Variants in PRKCE observed in about 807,000 individuals in gnomAD.
PRKCE encodes the protein protein kinase C epsilon, also known as protein kinase C epsilon type.
In PRKCE, 16 loss-of-function variants were observed where a neutral mutation model predicts 85.4. The ratio of observed to expected loss-of-function variants is 0.19; its 90% CI spans 0.13 to 0.28. The LOEUF (loss-of-function observed/expected upper bound fraction) is 0.28, where lower values mean the gene tolerates loss of function less well. Ranked by LOEUF, PRKCE falls within the 10% of genes least tolerant of loss-of-function variation. The pLI is 1.00. For synonymous variants in PRKCE, 388 were observed against 371.5 expected (o/e 1.04, Z -0.51); for missense variants, 573 against 975.2 (o/e 0.59, Z 5.49).
In PRKCE at chr2:46,123,214, C is replaced by CTTTTTTTTTTTTTTTTTTTTT. The variant is rs70937991; in HGVS notation, c.1593-21870_1593-21850dup. Among the ~76,000 whole-genome samples the CTTTTTTTTTTTTTTTTTTTTT allele has an allele frequency of 9.4e-3, 256 of 27,376 alleles. 64 individuals are homozygous for CTTTTTTTTTTTTTTTTTTTTT. Among genetic ancestry groups the CTTTTTTTTTTTTTTTTTTTTT allele is most frequent in the South Asian group, 0.019 (7 of 360 alleles). The allele number at this position is 27,376 out of a possible 152,430, so 18.0% of individuals were successfully genotyped here. A position where few individuals can be genotyped will look rare whatever the true frequency, so the allele number is the denominator to read the frequency against. ...AAGCTTTACAAAGGAAAACACTTGC[C>CTTTTTTTTTTTTTTTTTTTTT]TTTTTTTTTTTTTTTTTTTTTTTTT... On this transcript the variant is annotated intron_variant, in intron 11 of 14. Transcript: ENST00000306156.
intron 1 of PRKCE, among the ~76,000 whole-genome samples, chr2:45,695,482 T>C (rs1429669362): frequency 6.6e-6 from 1 of 152,290 alleles, no homozygotes; most frequent in South Asian, 2.1e-4. Context: ...TAATAGAATA[T>C]GTATAATAGG....
At chr2:45,663,121 T>G (rs1305808633) in intron 1 of PRKCE, among the ~76,000 whole-genome samples, 4 of 152,216 alleles carry the variant, frequency 2.6e-5, no homozygotes, top group Non-Finnish European at 5.9e-5. Flanking sequence ...TGCACATTAG[T>G]GTATTAAAGA....
intron 2 of PRKCE, among the ~76,000 whole-genome samples, chr2:45,886,058 G>A (rs1695276752): frequency 6.6e-6 from 1 of 152,132 alleles, no homozygotes; most frequent in Non-Finnish European, 1.5e-5. Flanking sequence ...TCCTCCTCAA[G>A]AGGCCTACCT....
At chr2:45,720,440 A>G (rs1680519505) in intron 1 of PRKCE, among the ~76,000 whole-genome samples, 1 of 152,146 alleles carries the variant, frequency 6.6e-6, no homozygotes, top group African/African-American at 2.4e-5. Flanking sequence ...GAGAGGAACA[A>G]CATGCAGCCT....
chr2:45,801,788 C>T (rs1687889273), intron 1 of PRKCE, among the ~76,000 whole-genome samples: 1 of 152,148 alleles, frequency 6.6e-6, no homozygotes, highest in Admixed American at 6.6e-5. Context: ...GGTTGCCAAA[C>T]CTGAAGCAGG....
intron 1 of PRKCE, chr2:45,685,285 G>A (rs1312091780): frequency 6.6e-6 from 1 of 152,168 alleles, no homozygotes. Context: ...ATACTCTGTT[G>A]TTTAAATAGC....
In PRKCE at chr2:45,723,260, G is replaced by C. The variant is rs139366068; in HGVS notation, c.348+70812G>C. On this transcript the variant is annotated intron_variant, in intron 1 of 14. Coordinates refer to ENST00000306156, the MANE Select transcript of PRKCE (RefSeq NM_005400.3). Reference sequence around the variant, plus strand: ...CCTAGAGATTCTTGTAGAAAATGCCGTGACTCCTCCCTGTTAAAATATGCA... The same window carrying C: ...CCTAGAGATTCTTGTAGAAAATGCCCTGACTCCTCCCTGTTAAAATATGCA... Among the ~76,000 whole-genome samples the C allele has an allele frequency of 7.9e-3, 1,201 of 152,264 alleles. 5 individuals are homozygous for C. Among genetic ancestry groups the C allele is most frequent in the Non-Finnish European group, 0.014 (924 of 68,020 alleles).
chr2:45,762,055 G>T (rs1487787413), intron 1 of PRKCE, among the ~76,000 whole-genome samples: 1 of 152,144 alleles, frequency 6.6e-6, no homozygotes, highest in Non-Finnish European at 1.5e-5. Flanking sequence ...TGGTTGGCGT[G>T]CACCATTCAG....
At chr2:46,122,221 G>GTT (rs1558477714) in intron 11 of PRKCE, among the ~76,000 whole-genome samples, 1 of 151,886 alleles carries the variant, frequency 6.6e-6, no homozygotes, top group African/African-American at 2.4e-5. Context: ...TTTTTTGTTT[G>GTT]TTTGTTTTTG....
At chr2:46,151,310 C>CAG (rs2104525525) in intron 13 of PRKCE, 81 bp downstream of exon 13, 1 of 1,165,514 alleles carries the variant, frequency 8.6e-7, no homozygotes, top group East Asian at 2.4e-5. Flanking sequence ...CACACACACA[C>CAG]ACACACACAC....
chr2:45,931,846 A>G (rs565894420), intron 2 of PRKCE, among the ~76,000 whole-genome samples: 105 of 152,198 alleles, frequency 6.9e-4, no homozygotes, highest in Non-Finnish European at 1.4e-3. Context: ...AGCTGGGACT[A>G]CAGGCACCTG....
intron 5 of PRKCE, among the ~76,000 whole-genome samples, chr2:45,982,895 T>C (rs1168414879): frequency 6.6e-6 from 1 of 152,212 alleles, no homozygotes; most frequent in African/African-American, 2.4e-5. Context: ...CATACCCCTA[T>C]GAGGTGATTC....
intron 1 of PRKCE, among the ~76,000 whole-genome samples, chr2:45,799,172 A>G (rs528947146): frequency 2.0e-4 from 31 of 151,682 alleles, no homozygotes; most frequent in African/African-American, 7.5e-4. Context: ...TTTCAAAAAA[A>G]AAAAAAGAAA....
chr2:45,770,196 C>T (rs919678560), intron 1 of PRKCE, among the ~76,000 whole-genome samples: 4 of 152,198 alleles, frequency 2.6e-5, no homozygotes, highest in Non-Finnish European at 5.9e-5. Flanking sequence ...CACTGTTCTG[C>T]TCCCCTCCTG....
At chr2:46,021,006 T>A (rs568942254) in intron 10 of PRKCE, among the ~76,000 whole-genome samples, 17 of 152,224 alleles carry the variant, frequency 1.1e-4, no homozygotes, top group African/African-American at 4.1e-4. Flanking sequence ...TTGGTCACGA[T>A]CACACGGAGT....
chr2:45,971,429 A>G (rs760908827), intron 2 of PRKCE, among the ~76,000 whole-genome samples: 23 of 152,170 alleles, frequency 1.5e-4, no homozygotes, highest in East Asian at 1.9e-4. Context: ...GTAACAAAGC[A>G]TTTTATTTAC....
chr2:45,996,223 C>G (rs1704204196), intron 6 of PRKCE, among the ~76,000 whole-genome samples: 1 of 152,066 alleles, frequency 6.6e-6, no homozygotes, highest in Non-Finnish European at 1.5e-5. Flanking sequence ...TTCAATCTGG[C>G]TATAATCATT....
At chr2:45,693,525 G>A (rs1487726792) in intron 1 of PRKCE, among the ~76,000 whole-genome samples, 1 of 152,206 alleles carries the variant, frequency 6.6e-6, no homozygotes, top group East Asian at 1.9e-4. Flanking sequence ...CAGGCCGGAA[G>A]GGCAGGGAGG....
chr2:45,652,959 G>C lies in PRKCE; in HGVS notation c.348+511G>C, dbSNP rs1675197332. On this transcript the variant is annotated intron_variant, in intron 1 of 14. Transcript: ENST00000306156. The surrounding 1 kb of genome is among the most constrained non-coding windows in gnomAD (Gnocchi z 7.7). ...CTTGTTTCTATTCTCTTGCATGGTG[G>C]TTAGCTCATCTTCTGACATACAAGT... Among the ~76,000 whole-genome samples, 1 of 152,060 alleles carries C rather than the reference G, an allele frequency of 6.6e-6. No homozygotes were observed. Among genetic ancestry groups the C allele is most frequent in the Non-Finnish European group, 1.5e-5 (1 of 68,018 alleles).
Sources: allele counts gnomAD v4.1 joint callset (sites outside exome capture counted in the v4.1 genomes callset), GRCh38; gene constraint gnomAD v4.1.1; non-coding constraint Gnocchi (gnomAD v3.1); transcripts MANE v1.5; gene names NCBI Gene and HGNC (gene_info 2026-07-23, HGNC 2026-07-21).